DOCK8: variants seen among roughly 807,000 people sequenced by gnomAD.
The protein encoded by DOCK8 is dedicator of cytokinesis protein 8.
Under a neutral mutation model 245.6 loss-of-function variants are expected in DOCK8, and 141 were observed. That is an observed-to-expected ratio of 0.57 (90% CI 0.50 to 0.66). The LOEUF (loss-of-function observed/expected upper bound fraction) is 0.66. DOCK8 is among the 30% of genes least tolerant of loss of function. The probability of loss-of-function intolerance (pLI) is 0.00; values close to 1 mark genes in which losing one functional copy is unlikely to be tolerated. For missense variants in DOCK8, 2,965 were observed against 2,603.4 expected, an observed-to-expected ratio of 1.14 and a Z score of -3.02; for synonymous variants, 1,168 against 970.2, an observed-to-expected ratio of 1.20 and a Z score of -3.79.
At chr9:461,817 C>G (rs1328998190) in intron 46 of DOCK8, among the ~76,000 whole-genome samples, 1 of 152,068 alleles carries the variant, frequency 6.6e-6, no homozygotes, top group East Asian at 1.9e-4. Context: ...GCTGGGATTA[C>G]AGGCATGAGG....
chr9:427,245 TGTGA>T (rs1307711107), intron 34 of DOCK8, among the ~76,000 whole-genome samples: 2 of 152,180 alleles, frequency 1.3e-5, no homozygotes, highest in Admixed American at 6.5e-5. Flanking sequence ...GTTAAATCTG[TGTGA>T]GTATGTACCA....
intron 7 of DOCK8, among the ~76,000 whole-genome samples, chr9:318,945 G>A (rs1233836067): frequency 6.6e-6 from 1 of 152,216 alleles, no homozygotes; most frequent in Non-Finnish European, 1.5e-5. Flanking sequence ...ATGAGAGGCA[G>A]CTGTTCTCAC....
At chr9:420,176 C>T in intron 30 of DOCK8, 1 of 594,286 alleles carries the variant, frequency 1.7e-6, no homozygotes, top group Non-Finnish European at 3.0e-6. Flanking sequence ...CAAATACTGC[C>T]CCAGGTGAGC....
chr9:306,807 G>A (rs1225845567), intron 5 of DOCK8, among the ~76,000 whole-genome samples: 1 of 152,172 alleles, frequency 6.6e-6, no homozygotes, highest in African/African-American at 2.4e-5. Flanking sequence ...TGCAGGTCTA[G>A]GGGAAGATCT....
chr9:402,459 G>T (rs553179274), intron 26 of DOCK8, among the ~76,000 whole-genome samples: 4 of 152,116 alleles, frequency 2.6e-5, no homozygotes, highest in Admixed American at 2.0e-4. Flanking sequence ...TGATTCTGTG[G>T]TCTGTGTCTG....
chr9:293,012 A>G (rs1206086429), intron 4 of DOCK8, among the ~76,000 whole-genome samples: 1 of 152,210 alleles, frequency 6.6e-6, no homozygotes, highest in East Asian at 1.9e-4. Flanking sequence ...TAAAAAAGAA[A>G]GGAATATGTG....
chr9:428,287 G>T, intron 34 of DOCK8, 75 bp from the exon 35 acceptor site: 1 of 1,609,764 alleles, frequency 6.2e-7, no homozygotes, highest in South Asian at 1.1e-5. Context: ...CAGCATTACT[G>T]AGCTAATTGT....
chr9:228,553 G>C (rs977035957), intron 1 of DOCK8, among the ~76,000 whole-genome samples: 1 of 152,090 alleles, frequency 6.6e-6, no homozygotes, highest in African/African-American at 2.4e-5. Flanking sequence ...CACCTCCTGT[G>C]TGCTGAATTT....
In DOCK8 at chr9:248,030, T is replaced by C. The variant is rs7861294; in HGVS notation, c.54-23597T>C. Among the ~76,000 whole-genome samples the C allele has an allele frequency of 7.7e-3, 1,165 of 151,824 alleles. 14 individuals are homozygous for C. Among genetic ancestry groups the C allele is most frequent in the African/African-American group, 0.027 (1,126 of 41,414 alleles). On this transcript the variant is annotated intron_variant, in intron 1 of 47. Transcript: ENST00000432829. ...GTTGAGTAAACAAGCTGAGCAAACT[T>C]TGTGTTGAAACTTTAATATGTCCGA... is the stretch of plus-strand genomic sequence containing the variant.
At chr9:215,055 GT>G in intron 1 of DOCK8, 26 bp downstream of exon 1, 1 of 1,561,476 alleles carries the variant, frequency 6.4e-7, no homozygotes, top group Non-Finnish European at 8.6e-7. Flanking sequence ...CGGCGCGCAG[GT>G]TGCGGCCGGA....
chr9:355,192 CTTTTTTTTTTTTTTTT>C (rs749045514), intron 14 of DOCK8, among the ~76,000 whole-genome samples: 2 of 121,090 alleles, frequency 1.7e-5, no homozygotes, highest in Non-Finnish European at 3.3e-5. Flanking sequence ...TGTTTCTTTT[CTTTTTTTTTTTTTTTT>C]TTTTTTTTTT....
At chr9:353,642 G>C (rs2052283885) in intron 14 of DOCK8, among the ~76,000 whole-genome samples, 1 of 152,086 alleles carries the variant, frequency 6.6e-6, no homozygotes, top group African/African-American at 2.4e-5. Context: ...GGTTGGTGCT[G>C]GTTCTCCATC....
upstream of DOCK8, chr9:214,657 G>T: frequency 6.2e-7 from 1 of 1,606,464 alleles, no homozygotes; most frequent in African/African-American, 1.3e-5. Flanking sequence ...CGCTCCCTTC[G>T]GCCGGAGGTC....
chr9:315,483 G>A (rs538576220), intron 6 of DOCK8, among the ~76,000 whole-genome samples: 1 of 152,158 alleles, frequency 6.6e-6, no homozygotes, highest in South Asian at 2.1e-4. Context: ...AGACAGTCAG[G>A]GAAATTTGAA....
At chr9:281,976 T>C (rs785850) in intron 2 of DOCK8, among the ~76,000 whole-genome samples, 96,127 of 152,114 alleles carry the variant, frequency 0.63, 30,947 homozygotes, top group East Asian at 0.76. Context: ...TGTTGGTGCT[T>C]ACCAGCTCTT....
chr9:236,084 A>T (rs936055014), intron 1 of DOCK8, among the ~76,000 whole-genome samples: 3 of 152,136 alleles, frequency 2.0e-5, no homozygotes, highest in Non-Finnish European at 4.4e-5. Flanking sequence ...CAAGAATGCC[A>T]GTGGTTGGCC....
intron 46 of DOCK8, among the ~76,000 whole-genome samples, chr9:453,875 C>T (rs2057543109): frequency 6.6e-6 from 1 of 152,106 alleles, no homozygotes; most frequent in African/African-American, 2.4e-5. Context: ...CCAAAGTTGA[C>T]TATGCCCCAG....
chr9:326,712 T>C (rs1586706270), intron 8 of DOCK8, among the ~76,000 whole-genome samples: 1 of 152,200 alleles, frequency 6.6e-6, no homozygotes, highest in South Asian at 2.1e-4. Flanking sequence ...CAGTGGCTCC[T>C]CCATCTTCAG....
At chr9:242,964 G>A (rs972209126) in intron 1 of DOCK8, among the ~76,000 whole-genome samples, 8 of 152,088 alleles carry the variant, frequency 5.3e-5, no homozygotes, top group African/African-American at 1.4e-4. Flanking sequence ...TCTCTTCATC[G>A]GAACTTGGAA....
Sources: allele counts gnomAD v4.1 joint callset (sites outside exome capture counted in the v4.1 genomes callset), GRCh38; gene constraint gnomAD v4.1.1; transcripts MANE v1.5; gene names NCBI Gene and HGNC (gene_info 2026-07-23, HGNC 2026-07-21).